The following PAWR variants were observed in gnomAD, a reference collection of about 807,000 sequenced individuals.
The protein encoded by PAWR is pro-apoptotic WT1 regulator, also known as PRKC apoptosis WT1 regulator protein.
PAWR carries 23 observed loss-of-function variants against 32.0 expected under a neutral mutation model. That is an observed-to-expected ratio of 0.72 (90% CI 0.52 to 1.02). The LOEUF (loss-of-function observed/expected upper bound fraction) is 1.02, where lower values mean the gene tolerates loss of function less well. Among genes scored for constraint, PAWR ranks in the 50% least tolerant of loss-of-function variants. The pLI is 0.00. For missense variants in PAWR, 457 were observed against 437.7 expected, an observed-to-expected ratio of 1.04 and a Z score of -0.39; for synonymous variants, 226 against 187.1, an observed-to-expected ratio of 1.21 and a Z score of -1.70.
chr12:79,621,595 T>C (rs1400297573), intron 2 of PAWR, among the ~76,000 whole-genome samples: 2 of 152,122 alleles, frequency 1.3e-5, no homozygotes, highest in African/African-American at 4.8e-5. Context: ...GGAAAGATAA[T>C]ACATATATAT....
Position 79,619,181 on chromosome 12 carries a change from C to T in PAWR, c.648+1895G>A, listed in dbSNP as rs140703922. 4.1e-3 allele frequency among the ~76,000 whole-genome samples: 623 copies of T among 152,274 alleles called. 12 individuals are homozygous for T. Among genetic ancestry groups the T allele is most frequent in the African/African-American group, 0.014 (590 of 41,560 alleles). ...AACTTGGTGCTGTCCTGCTCCATCT[C>T]GCCCAGGGCCTGAATCATCCCTTTG... On this transcript the variant is annotated intron_variant, in intron 3 of 6. Coordinates refer to ENST00000328827, the MANE Select transcript of PAWR (RefSeq NM_002583.4).
intron 4 of PAWR, among the ~76,000 whole-genome samples, chr12:79,606,573 T>C (rs1005790314): frequency 1.3e-5 from 2 of 152,112 alleles, no homozygotes; most frequent in Admixed American, 1.3e-4. Flanking sequence ...ATTTGTGAAA[T>C]CTAGAGCCAT....
At chr12:79,621,032 C>A in intron 3 of PAWR, 44 bp downstream of exon 3, 1 of 1,467,698 alleles carries the variant, frequency 6.8e-7, no homozygotes, top group Non-Finnish European at 9.2e-7. Flanking sequence ...TGAAAAATTG[C>A]CATTAAAATA....
At chr12:79,592,804 G>C (rs911726293) in intron 6 of PAWR, 111 bp from the exon 7 acceptor site, 16 of 553,070 alleles carry the variant, frequency 2.9e-5, no homozygotes, top group Non-Finnish European at 5.0e-5. Context: ...TTTGAAATGA[G>C]GGCAAGCTCT....
At chr12:79,689,642 T>G in intron 2 of PAWR, 87 bp downstream of exon 2, 2 of 1,442,446 alleles carry the variant, frequency 1.4e-6, no homozygotes, top group South Asian at 1.3e-5. Flanking sequence ...AGGTAAACTC[T>G]GCGCCCCGGG....
intron 4 of PAWR, among the ~76,000 whole-genome samples, chr12:79,609,262 G>A (rs1025237281): frequency 6.6e-6 from 1 of 152,184 alleles, no homozygotes; most frequent in Non-Finnish European, 1.5e-5. Flanking sequence ...TTTCCTTATA[G>A]AAGCTGGTTG....
chr12:79,641,326 C>A (rs1231166357), intron 2 of PAWR, among the ~76,000 whole-genome samples: 1 of 152,256 alleles, frequency 6.6e-6, no homozygotes, highest in South Asian at 2.1e-4. Context: ...CTATTTTTAT[C>A]CCTACTTTAT....
intron 4 of PAWR, chr12:79,603,753 C>G (rs1874057020): frequency 7.0e-6 from 1 of 142,438 alleles, no homozygotes; most frequent in South Asian, 2.3e-4. Flanking sequence ...TTTTGGCTCA[C>G]TGCAACCTCA....
intron 2 of PAWR, among the ~76,000 whole-genome samples, chr12:79,677,151 C>T (rs1878208477): frequency 6.6e-6 from 1 of 151,928 alleles, no homozygotes; most frequent in Non-Finnish European, 1.5e-5. Flanking sequence ...CATGTACTAA[C>T]AAGGTAGTAA....
chr12:79,681,164 G>GAGGAA (rs1878428817), intron 2 of PAWR, among the ~76,000 whole-genome samples: 1 of 139,574 alleles, frequency 7.2e-6, no homozygotes, highest in Admixed American at 7.3e-5. Flanking sequence ...GAGGGGAGGG[G>GAGGAA]AGGAAAGGAA....
intron 2 of PAWR, among the ~76,000 whole-genome samples, chr12:79,650,979 T>C (rs1319074815): frequency 6.6e-6 from 1 of 152,176 alleles, no homozygotes; most frequent in African/African-American, 2.4e-5. Flanking sequence ...TGGGACTCAA[T>C]ACAGAACTTC....
intron 2 of PAWR, among the ~76,000 whole-genome samples, chr12:79,630,781 T>C (rs1350369302): frequency 6.6e-6 from 1 of 151,470 alleles, no homozygotes; most frequent in Non-Finnish European, 1.5e-5. Flanking sequence ...AGAAATACCA[T>C]CTGTTCACAA....
At chr12:79,617,661 A>G (rs535880638) in intron 3 of PAWR, among the ~76,000 whole-genome samples, 1 of 152,184 alleles carries the variant, frequency 6.6e-6, no homozygotes, top group African/African-American at 2.4e-5. Flanking sequence ...GCACAAAGTG[A>G]TATTTTTATT....
intron 2 of PAWR, among the ~76,000 whole-genome samples, chr12:79,627,874 C>A (rs2136734776): frequency 6.6e-6 from 1 of 152,218 alleles, no homozygotes; most frequent in Middle Eastern, 3.4e-3. Flanking sequence ...CTTTAACACC[C>A]CACTGTCAAC....
chr12:79,633,728 C>A (rs1317856067), intron 2 of PAWR, among the ~76,000 whole-genome samples: 1 of 152,014 alleles, frequency 6.6e-6, no homozygotes, highest in Non-Finnish European at 1.5e-5. Flanking sequence ...TCATTTGCAT[C>A]CTTATTTAAA....
intron 2 of PAWR, among the ~76,000 whole-genome samples, chr12:79,628,610 A>G (rs568438753): frequency 6.6e-6 from 1 of 152,278 alleles, no homozygotes; most frequent in South Asian, 2.1e-4. Context: ...CAAATAACAA[A>G]AACTGAGCAG....
chr12:79,669,207 T>C (rs1286033804), intron 2 of PAWR, among the ~76,000 whole-genome samples: 2 of 152,210 alleles, frequency 1.3e-5, no homozygotes, highest in African/African-American at 2.4e-5. Context: ...ATTAGGGATA[T>C]AAGACCAACA....
intron 2 of PAWR, among the ~76,000 whole-genome samples, chr12:79,669,451 G>C (rs1321084344): frequency 6.6e-6 from 1 of 151,954 alleles, no homozygotes; most frequent in African/African-American, 2.4e-5. Context: ...TGGGACATAT[G>C]ATTTTCGTAT....
At chr12:79,682,902 T>C (rs1276219685) in intron 2 of PAWR, among the ~76,000 whole-genome samples, 1 of 152,256 alleles carries the variant, frequency 6.6e-6, no homozygotes, top group African/African-American at 2.4e-5. Context: ...TGATAGTAGT[T>C]TGATAAGATG....
Sources: allele counts gnomAD v4.1 joint callset (sites outside exome capture counted in the v4.1 genomes callset), GRCh38; gene constraint gnomAD v4.1.1; transcripts MANE v1.5; gene names NCBI Gene and HGNC (gene_info 2026-07-23, HGNC 2026-07-21).